The following TTN variants were observed in gnomAD, a reference collection of about 807,000 sequenced individuals.
TTN encodes the protein titin, also known as connectin.
Under a neutral mutation model 3,223.0 loss-of-function variants are expected in TTN, and 1,525 were observed. The ratio of observed to expected loss-of-function variants is 0.47; its 90% CI spans 0.45 to 0.49. The LOEUF is 0.49. Among genes scored for constraint, TTN ranks in the 20% least tolerant of loss-of-function variants. The pLI, the probability that TTN is intolerant of heterozygous loss-of-function variation, is 0.00. For missense variants in TTN, 40,786 were observed against 43,424.0 expected (o/e 0.94, Z 5.40); for synonymous variants, 14,094 against 15,161.0 (o/e 0.93, Z 5.17).
chr2:178,750,464 T>C (rs1412198282), intron 47 of TTN: 1 of 1,613,032 alleles, frequency 6.2e-7, no homozygotes, highest in East Asian at 2.2e-5. Context: ...CATGTCATTG[T>C]TATACCACGT....
Position 178,684,083 on chromosome 2 carries a change from C to G in TTN, c.32723-1G>C, listed in dbSNP as rs749732647. 6.2e-7 allele frequency: 1 copy of G among 1,611,788 alleles called. No individual in the cohort carries two copies. The highest frequency in any genetic ancestry group is 2.2e-5 in the East Asian group (1 of 44,824). On this transcript the variant is annotated splice_acceptor_variant, in intron 132 of 362. Transcript: ENST00000589042. LOFTEE classifies it high-confidence loss of function. ...ACAGCTCTCTTCGGTTCCTCTGGCA[C>G]TTTAAAGAGAGATTTCACTTTAAAG...
At position 178,584,487 on chromosome 2, in the gene TTN, C is replaced by A; in HGVS notation, c.65064G>T (p.Gly21688=). 1 of 1,613,250 alleles carries A rather than the reference C, an allele frequency of 6.2e-7. No individual in the cohort carries two copies. Among genetic ancestry groups the A allele is most frequent in the Admixed American group, 1.7e-5 (1 of 59,982 alleles). The change falls in exon 311 of 363, where the codon GGG becomes GGT. Residue 21688 remains glycine, a synonymous_variant. Transcript: ENST00000589042. ...CAATCAGATAACCAATAATGGGGCTCCCTCCATCACTATCTGGTCTGTCCC... is the reference window on the plus strand; with the variant it reads ...CAATCAGATAACCAATAATGGGGCTACCTCCATCACTATCTGGTCTGTCCC... ...VAWDRPDSDG[G]SPIIGYLIER... is the part of the protein sequence containing the mutation.
At chr2:178,737,678 G>C (rs1055677359) in intron 49 of TTN, among the ~76,000 whole-genome samples, 1 of 151,998 alleles carries the variant, frequency 6.6e-6, no homozygotes, top group African/African-American at 2.4e-5. Context: ...TCTTACATTA[G>C]GATTTAATTT....
Position 178,636,773 on chromosome 2 carries a change from TTGG to T in TTN, c.40951_40953del (p.Pro13651del). ...CTTAACTTTCTCCTTTCGGCTTCTA[TTGG>T]TGAAGGAGTCTTTTTGGGTACACCT... On this transcript the variant is annotated inframe_deletion, in exon 225 of 363. Coordinates refer to ENST00000589042, the MANE Select transcript of TTN (RefSeq NM_001267550.2). The surrounding 1 kb of genome is among the most constrained non-coding windows in gnomAD (Gnocchi z 4.3). The T allele has an allele frequency of 1.9e-6, 3 of 1,603,120 alleles. No individual in the cohort carries two copies. The highest frequency in any genetic ancestry group is 2.6e-6 in the Non-Finnish European group (3 of 1,173,622).
chr2:178,647,156 A>G lies in TTN; in HGVS notation c.40142-12T>C, dbSNP rs2062136702. ...AGGAGTCTCTTCAACTTTAAAAAAC[A>G]TAGTATTTTATTTTAGACTATATTT... On this transcript the variant is annotated splice_polypyrimidine_tract_variant and intron_variant, in intron 214 of 362. Transcript: ENST00000589042. The G allele has an allele frequency of 8.8e-6, 12 of 1,356,998 alleles. No homozygotes were observed. The highest frequency in any genetic ancestry group is 1.1e-5 in the Non-Finnish European group (11 of 1,019,032). The allele number at this position is 1,356,998 out of a possible 1,614,324, so 84.1% of individuals were successfully genotyped here.
In TTN at chr2:178,757,713, G is replaced by T. The variant is rs766605515; in HGVS notation, c.10507C>A (p.Gln3503Lys). Residue 3503 changes from glutamine (Q) to lysine (K), a missense_variant, in exon 45 of 363, where the codon CAG (glutamine) becomes AAG (lysine). By Grantham distance (53) the Gln-to-Lys change is moderately conservative (BLOSUM62 1). Transcript: ENST00000589042. Reference sequence around the variant, plus strand: ...ACATCTTTTGTTGGTAGAATTAGCTGCTGGTTATGAAACCATTGGATTTCT... The same window carrying T: ...ACATCTTTTGTTGGTAGAATTAGCTTCTGGTTATGAAACCATTGGATTTCT... ...KPEIQWFHNQ[Q>K]LILPTKDVVF... 2 of 1,613,820 alleles carry T rather than the reference G, an allele frequency of 1.2e-6. No individual in the cohort carries two copies. The highest frequency in any genetic ancestry group is 2.2e-5 in the South Asian group (2 of 91,074).
At chr2:178,705,025 C>T in intron 103 of TTN, 59 bp from the exon 104 acceptor site, 2 of 1,595,526 alleles carry the variant, frequency 1.3e-6, no homozygotes, top group Admixed American at 1.7e-5. Flanking sequence ...TTAGAGGACG[C>T]ATGACTATAT....
At chr2:178,672,340 A>T in intron 154 of TTN, 67 bp downstream of exon 154, 1 of 1,601,454 alleles carries the variant, frequency 6.2e-7, no homozygotes, top group Non-Finnish European at 8.5e-7. Flanking sequence ...CAAAATATAT[A>T]TTTTTAAAAC....
chr2:178,684,231 C>A, intron 132 of TTN, 99 bp downstream of exon 132: 1 of 1,386,518 alleles, frequency 7.2e-7, no homozygotes, highest in Non-Finnish European at 1.0e-6. Context: ...ACAACATCAA[C>A]AACAACAACA....
Position 178,618,231 on chromosome 2 carries a change from G to A in TTN, c.47227C>T (p.Pro15743Ser), listed in dbSNP as rs757923194. 6.2e-7 allele frequency: 1 copy of A among 1,612,706 alleles called. No homozygotes were observed. The highest frequency in any genetic ancestry group is 8.5e-7 in the Non-Finnish European group (1 of 1,179,158). ...SARNRVGTGE[P>S]VETDNPVEAR... is the part of the protein sequence containing the mutation. ...TCTACAGGATTGTCAGTTTCTACTG[G>A]CTCACCAGTGCCAACTCTGTTTCTT... The change falls in exon 252 of 363, where the codon CCA (proline) becomes TCA (serine). Residue 15743 changes from proline (P) to serine (S), a missense_variant. Physicochemically the swap from Pro to Ser is moderately conservative, Grantham distance 74 (BLOSUM62 -1). Coordinates refer to ENST00000589042, the MANE Select transcript of TTN (RefSeq NM_001267550.2).
rs781175517 is a variant in TTN, at chr2:178,721,130, C to G, written c.22889G>C (p.Cys7630Ser). Residue 7630 changes from cysteine (C) to serine (S), a missense_variant, in exon 79 of 363, where the codon TGT becomes TCT. Cys to Ser is a moderately radical substitution (Grantham distance 112, BLOSUM62 -1). Transcript: ENST00000589042. ...GATTTCTGGGGAGCCACTTATTTTACATTCCAGTTGAATGGATTCTCCCTG... is the reference window on the plus strand; with the variant it reads ...GATTTCTGGGGAGCCACTTATTTTAGATTCCAGTTGAATGGATTCTCCCTG... Reference protein sequence around the residue: ...AKQGESIQLECKISGSPEIKV... With the variant: ...AKQGESIQLESKISGSPEIKV... The G allele has an allele frequency of 6.2e-6, 10 of 1,613,182 alleles. No individual in the cohort carries two copies. Among genetic ancestry groups the G allele is most frequent in the Non-Finnish European group, 8.5e-6 (10 of 1,179,286 alleles).
At chr2:178,717,422 A>C (rs560958952) in intron 87 of TTN, 40 bp from the exon 88 acceptor site, 1 of 1,581,580 alleles carries the variant, frequency 6.3e-7, no homozygotes, top group East Asian at 2.2e-5. Context: ...TTTTATTTCC[A>C]TGCTCTCACA....
chr2:178,613,442 C>T (rs1007185870), intron 263 of TTN, 166 bp from the exon 264 acceptor site: 8 of 668,588 alleles, frequency 1.2e-5, no homozygotes, highest in Middle Eastern at 4.1e-4. Context: ...TTAACTGCCA[C>T]ACACTTTAGA....
rs72677240 is a variant in TTN, at chr2:178,615,321, A to G, written c.48624T>C (p.Pro16208=). 261 of 1,612,228 alleles carry G rather than the reference A, an allele frequency of 1.6e-4. No individual in the cohort carries two copies. Among genetic ancestry groups the G allele is most frequent in the Non-Finnish European group, 2.1e-4 (248 of 1,178,918 alleles). The change falls in exon 259 of 363, where the codon CCT becomes CCC. Residue 16208 remains proline (P), a synonymous_variant. Transcript: ENST00000589042. ...TAAAAACCTACTTTGTTTCTGCAAC[A>G]GGTTCTCCACAGGCAACCCATTTAT... ...GSDKWVACGE[P]VAETKMEVTG... is the part of the protein sequence containing the mutation.
rs1343604675 is a variant in TTN at position 178,766,721 on chromosome 2, C to T, written c.9472-109G>A. ...ACTGGTCAATGAATGGCATGTGAAA[C>T]CAATATATTATAATGTAATAAGTTG... On this transcript the variant is annotated intron_variant, in intron 40 of 362. Transcript: ENST00000589042. 4.9e-6 allele frequency: 4 copies of T among 814,240 alleles called. No homozygotes were observed. The Admixed American group carries it at 6.1e-5, about 12-fold the overall frequency. 50.4% of individuals were successfully genotyped at this position (814,240 alleles called of 1,614,324 possible). A position where few individuals can be genotyped will look rare whatever the true frequency, so the allele number is the denominator to read the frequency against.
rs1707239042 is a variant in TTN at position 178,569,295 on chromosome 2, T to C, written c.76837A>G (p.Ile25613Val). ...SPPVNLKVTE[I>V]TKDSVSITWE... Reference sequence around the variant, plus strand: ...GTAATTGATACTGAGTCTTTGGTGATTTCTGTGACTTTCAGGTTAACAGGT... The same window carrying C: ...GTAATTGATACTGAGTCTTTGGTGACTTCTGTGACTTTCAGGTTAACAGGT... The change falls in exon 326 of 363, where the codon ATC becomes GTC. Residue 25613 changes from isoleucine to valine, a missense_variant. Transcript: ENST00000589042. The C allele has an allele frequency of 1.9e-6, 3 of 1,611,050 alleles. No individual in the cohort carries two copies. Among genetic ancestry groups the C allele is most frequent in the Non-Finnish European group, 2.5e-6 (3 of 1,178,318 alleles).
At position 178,558,103 on chromosome 2, in the gene TTN, G is replaced by T. The variant is rs370776552; in HGVS notation, c.87251C>A (p.Pro29084His). 6.2e-6 allele frequency: 10 copies of T among 1,613,710 alleles called. No homozygotes were observed. Among genetic ancestry groups the T allele is most frequent in the Non-Finnish European group, 7.6e-6 (9 of 1,179,826 alleles). ...ATTAAATCTCATGGTTGCCTTAAGG[G>T]GGACACCATCTCTTGATAAGGTCAC... ...PKVTLSRDGV[P>H]LKATMRFNTE... Residue 29084 changes from proline (P) to histidine (H), a missense_variant, in exon 328 of 363, where the codon CCC becomes CAC. Coordinates refer to ENST00000589042, the MANE Select transcript of TTN (RefSeq NM_001267550.2).
intron 1 of TTN, among the ~76,000 whole-genome samples, chr2:178,804,966 A>G (rs532640873): frequency 2.0e-5 from 3 of 152,366 alleles, no homozygotes; most frequent in East Asian, 1.9e-4. Context: ...GTGGAAAACC[A>G]GGTTCAGAGT....
intron 45 of TTN, among the ~76,000 whole-genome samples, chr2:178,757,181 T>TACTC: frequency 6.6e-6 from 1 of 152,238 alleles, no homozygotes; most frequent in African/African-American, 2.4e-5. Flanking sequence ...TGTACTTACT[T>TACTC]TAAGTACAGT....
Sources: gnomAD v4.1 joint callset for allele counts (sites outside exome capture counted in the v4.1 genomes callset) on GRCh38, gnomAD v4.1.1 for gene constraint, Gnocchi (gnomAD v3.1) non-coding constraint, MANE v1.5 for transcripts, NCBI Gene and HGNC (gene_info 2026-07-23, HGNC 2026-07-21) for gene names.